The following CUL1 variants were observed in gnomAD, a reference collection of about 807,000 sequenced individuals.
CUL1 encodes the protein cullin 1.
In CUL1, 24 loss-of-function variants were observed where a neutral mutation model predicts 118.0. That is an observed-to-expected ratio of 0.20 (90% CI 0.15 to 0.29). The LOEUF is 0.29. CUL1 is among the 10% of genes least tolerant of loss of function. The probability of loss-of-function intolerance (pLI) is 1.00; values close to 1 mark genes in which losing one functional copy is unlikely to be tolerated. For synonymous variants in CUL1, 332 were observed against 340.4 expected, an observed-to-expected ratio of 0.98 and a Z score of 0.27; for missense variants, 361 against 933.8, an observed-to-expected ratio of 0.39 and a Z score of 7.99.
At chr7:148,742,343 A>G (rs1005177411) in intron 2 of CUL1, among the ~76,000 whole-genome samples, 3 of 152,206 alleles carry the variant, frequency 2.0e-5, no homozygotes, top group Admixed American at 6.5e-5. Flanking sequence ...CATGTCTTAC[A>G]TGGCAGTAGG....
chr7:148,769,692 G>A (rs1584803652), intron 9 of CUL1, among the ~76,000 whole-genome samples: 1 of 151,962 alleles, frequency 6.6e-6, no homozygotes, highest in East Asian at 1.9e-4. Context: ...GTATGAGATT[G>A]GCCTTAGGGA....
intron 2 of CUL1, among the ~76,000 whole-genome samples, chr7:148,737,576 A>ATATTTATTTATTTATT (rs200912415): frequency 3.1e-5 from 4 of 127,004 alleles, no homozygotes; most frequent in Admixed American, 7.5e-5. Context: ...ATATATTTTT[A>ATATTTATTTATTTATT]TATTTATTTA....
intron 2 of CUL1, 88 bp from the exon 3 acceptor site, chr7:148,753,888 C>T: frequency 1.0e-6 from 1 of 955,326 alleles, no homozygotes; most frequent in Non-Finnish European, 1.5e-6. Context: ...ATTGGGAATG[C>T]ATTGGTAATG....
chr7:148,789,535 C>T (rs953977058), intron 14 of CUL1, among the ~76,000 whole-genome samples: 16 of 152,110 alleles, frequency 1.1e-4, no homozygotes, highest in Non-Finnish European at 1.8e-4. Context: ...GACTCTCACT[C>T]TTTGGAAGAA....
chr7:148,786,692 A>C (rs1283727757), intron 12 of CUL1, 93 bp downstream of exon 12: 3 of 1,052,274 alleles, frequency 2.9e-6, no homozygotes, highest in African/African-American at 3.2e-5. Context: ...AAATGTGAAA[A>C]GTAATAATCA....
chr7:148,706,765 C>T (rs1320789735), intron 1 of CUL1, among the ~76,000 whole-genome samples: 2 of 152,088 alleles, frequency 1.3e-5, no homozygotes, highest in Non-Finnish European at 2.9e-5. Context: ...GTTCTCTCGA[C>T]ATTATGAAGA....
At chr7:148,748,684 A>G (rs949545005) in intron 2 of CUL1, among the ~76,000 whole-genome samples, 4 of 152,172 alleles carry the variant, frequency 2.6e-5, no homozygotes, top group African/African-American at 9.7e-5. Context: ...ATAGTTAGAG[A>G]TGGGCATTGT....
chr7:148,761,974 C>T (rs923900718), intron 7 of CUL1, among the ~76,000 whole-genome samples: 4 of 152,194 alleles, frequency 2.6e-5, no homozygotes, highest in Admixed American at 1.3e-4. Flanking sequence ...AATCTAATGC[C>T]GTCCCTGATC....
At chr7:148,724,203 A>G (rs535587194) in intron 1 of CUL1, among the ~76,000 whole-genome samples, 2 of 152,338 alleles carry the variant, frequency 1.3e-5, no homozygotes, top group South Asian at 4.1e-4. Context: ...AAGGAATCTT[A>G]TGCACCGTTA....
At chr7:148,707,361 C>T (rs1353300501) in intron 1 of CUL1, among the ~76,000 whole-genome samples, 1 of 151,894 alleles carries the variant, frequency 6.6e-6, no homozygotes, top group Non-Finnish European at 1.5e-5. Flanking sequence ...TCACCCTAGT[C>T]CTTGTTTAAA....
At chr7:148,698,620 G>T (rs1797599368), upstream of CUL1, 1 of 151,868 alleles carries the variant, frequency 6.6e-6, no homozygotes, top group Admixed American at 6.6e-5. Flanking sequence ...CGAGCGGGCG[G>T]GAGGGAGCTT....
At chr7:148,714,022 A>G (rs1213188710) in intron 1 of CUL1, among the ~76,000 whole-genome samples, 2 of 152,200 alleles carry the variant, frequency 1.3e-5, no homozygotes, top group Non-Finnish European at 2.9e-5. Flanking sequence ...GCCTGGCTGC[A>G]TGTGTGTATA....
At chr7:148,711,007 T>G (rs1229897542) in intron 1 of CUL1, among the ~76,000 whole-genome samples, 3 of 152,134 alleles carry the variant, frequency 2.0e-5, no homozygotes, top group African/African-American at 7.2e-5. Context: ...CAGATTGTTT[T>G]GAGACAGAGT....
At chr7:148,794,916 C>A (rs1801134686) in intron 17 of CUL1, among the ~76,000 whole-genome samples, 1 of 152,212 alleles carries the variant, frequency 6.6e-6, no homozygotes, top group African/African-American at 2.4e-5. Flanking sequence ...ACTGCAACCT[C>A]CGCCTCCTGG....
At chr7:148,732,142 T>C (rs1314432518) in intron 2 of CUL1, among the ~76,000 whole-genome samples, 2 of 152,124 alleles carry the variant, frequency 1.3e-5, no homozygotes, top group Non-Finnish European at 2.9e-5. Flanking sequence ...TTGCTAGGTA[T>C]GGCATTTTCT....
At chr7:148,749,289 C>T (rs999365971) in intron 2 of CUL1, among the ~76,000 whole-genome samples, 76 of 151,714 alleles carry the variant, frequency 5.0e-4, no homozygotes, top group African/African-American at 1.7e-3. Flanking sequence ...TGGTGATGCA[C>T]GCCTGTAATC....
chr7:148,731,127 G>A lies in CUL1; in HGVS notation c.140+865G>A, dbSNP rs1299117780. ...GGGGACTGTGCTGTGTGCCACAAAGGTGATGAGGGTGGAAAAGATGCGGCT... is the reference window on the plus strand; with the variant it reads ...GGGGACTGTGCTGTGTGCCACAAAGATGATGAGGGTGGAAAAGATGCGGCT... On this transcript the variant is annotated intron_variant, in intron 2 of 21. Transcript: ENST00000325222. 3.3e-5 allele frequency among the ~76,000 whole-genome samples: 5 copies of A among 152,230 alleles called. No homozygotes were observed. The East Asian group carries it at 5.8e-4, about 18-fold the overall frequency.
chr7:148,709,127 C>T (rs191591718), intron 1 of CUL1, among the ~76,000 whole-genome samples: 15 of 152,286 alleles, frequency 9.8e-5, no homozygotes, highest in East Asian at 3.9e-4. Context: ...AGCATTCTGA[C>T]GCCTCTCTTG....
intron 1 of CUL1, among the ~76,000 whole-genome samples, chr7:148,729,425 T>C (rs576770157): frequency 1.3e-5 from 2 of 152,308 alleles, no homozygotes; most frequent in South Asian, 4.1e-4. Flanking sequence ...AGAGTACATT[T>C]TGAATCTTGA....
Sources: gnomAD v4.1 joint callset for allele counts (sites outside exome capture counted in the v4.1 genomes callset) on GRCh38, gnomAD v4.1.1 for gene constraint, MANE v1.5 for transcripts, NCBI Gene and HGNC (gene_info 2026-07-23, HGNC 2026-07-21) for gene names.